The following PACRG variants were observed in gnomAD, a reference collection of about 807,000 sequenced individuals.
PACRG encodes the protein parkin coregulated.
In PACRG, 29 loss-of-function variants were observed where a neutral mutation model predicts 29.7. That is an observed-to-expected ratio of 0.98 (90% CI 0.73 to 1.33). PACRG has a LOEUF of 1.33. PACRG is among the 40% of genes most tolerant of loss of function. PACRG has a pLI of 0.00. For synonymous variants in PACRG, 116 were observed against 118.7 expected, an observed-to-expected ratio of 0.98 and a Z score of 0.15; for missense variants, 279 against 316.2, an observed-to-expected ratio of 0.88 and a Z score of 0.89.
chr6:163,275,515 G>A (rs1400288269), intron 4 of PACRG, among the ~76,000 whole-genome samples: 1 of 152,044 alleles, frequency 6.6e-6, no homozygotes, highest in African/African-American at 2.4e-5. Flanking sequence ...TTTCAAAACT[G>A]TTTGCCTTTA....
intron 4 of PACRG, among the ~76,000 whole-genome samples, chr6:163,208,071 A>T (rs755225686): frequency 6.6e-6 from 1 of 152,232 alleles, no homozygotes; most frequent in South Asian, 2.1e-4. Flanking sequence ...GTTGTCTAAC[A>T]TATTGCCACT....
rs534834160 is a variant in PACRG, at chr6:162,908,809, C to G, written c.291+94528C>G. ...GGCAGTGGCTAGGCCATCAGCCTGA[C>G]TTAACAATATGGGATGGATCTCCAC... On this transcript the variant is annotated intron_variant, in intron 2 of 4. Coordinates refer to ENST00000366888, the MANE Select transcript of PACRG (RefSeq NM_001080379.2). Among the ~76,000 whole-genome samples the G allele has an allele frequency of 6.6e-5, 10 of 152,264 alleles. No homozygotes were observed. The East Asian group carries it at 1.7e-3, about 26-fold the overall frequency.
At chr6:162,986,152 A>G (rs1326359644) in intron 2 of PACRG, among the ~76,000 whole-genome samples, 1 of 152,154 alleles carries the variant, frequency 6.6e-6, no homozygotes, top group African/African-American at 2.4e-5. Flanking sequence ...AGTAATTTAC[A>G]AATTCAATGC....
At position 162,766,095 on chromosome 6, in the gene PACRG, T is replaced by C. The variant is rs567339428; in HGVS notation, c.156+37704T>C. Among the ~76,000 whole-genome samples the C allele has an allele frequency of 2.0e-5, 3 of 152,298 alleles. No individual in the cohort carries two copies. In the South Asian group the frequency reaches 6.2e-4, roughly 32 times the overall value. ...GTGAAAACATTTAAAATTCTCTCTT[T>C]AGCTATTTAAAAATATGTAATACAT... On this transcript the variant is annotated intron_variant, in intron 1 of 4. Transcript: ENST00000366888.
intron 2 of PACRG, among the ~76,000 whole-genome samples, chr6:162,884,654 G>A (rs1005171275): frequency 6.6e-6 from 1 of 152,060 alleles, no homozygotes; most frequent in African/African-American, 2.4e-5. Context: ...TAAATGCTTT[G>A]TACTAAATTT....
intron 3 of PACRG, among the ~76,000 whole-genome samples, chr6:163,080,384 C>T (rs1012613061): frequency 6.6e-6 from 1 of 152,194 alleles, no homozygotes; most frequent in African/African-American, 2.4e-5. Flanking sequence ...CCGCCTCTGA[C>T]AGTGCCACAG....
chr6:163,162,777 C>CAGAGCTGGCA (rs1778612558), intron 4 of PACRG, among the ~76,000 whole-genome samples: 1 of 152,202 alleles, frequency 6.6e-6, no homozygotes, highest in Non-Finnish European at 1.5e-5. Context: ...GTCCAGCCCC[C>CAGAGCTGGCA]AGAGCTGGCA....
intron 4 of PACRG, among the ~76,000 whole-genome samples, chr6:163,312,337 C>T (rs910915771): frequency 2.0e-5 from 3 of 152,208 alleles, no homozygotes; most frequent in East Asian, 1.9e-4. Context: ...TCCCCTGTCA[C>T]GCAGGGTCCT....
intron 4 of PACRG, among the ~76,000 whole-genome samples, chr6:163,161,861 C>A (rs530236913): frequency 6.6e-6 from 1 of 152,088 alleles, no homozygotes; most frequent in Admixed American, 6.5e-5. Flanking sequence ...GGCTGCTTGT[C>A]GAGTATTTAG....
At chr6:163,314,368 A>G (rs1308024010) in intron 4 of PACRG, among the ~76,000 whole-genome samples, 3 of 152,252 alleles carry the variant, frequency 2.0e-5, no homozygotes, top group Non-Finnish European at 4.4e-5. Context: ...AGAGTTTGCC[A>G]TGTGTTCAAA....
At chr6:162,798,327 T>C (rs1785554776) in intron 1 of PACRG, among the ~76,000 whole-genome samples, 1 of 152,150 alleles carries the variant, frequency 6.6e-6, no homozygotes, top group African/African-American at 2.4e-5. Context: ...TTTATACTCA[T>C]TTTTGCAAAC....
At chr6:162,958,791 C>T (rs1345968873) in intron 2 of PACRG, among the ~76,000 whole-genome samples, 3 of 146,516 alleles carry the variant, frequency 2.0e-5, no homozygotes, top group East Asian at 2.0e-4. Flanking sequence ...TACATATACA[C>T]ACACATATAT....
intron 1 of PACRG, among the ~76,000 whole-genome samples, chr6:162,748,248 T>C (rs1206381847): frequency 6.6e-6 from 1 of 152,146 alleles, no homozygotes; most frequent in Non-Finnish European, 1.5e-5. Flanking sequence ...TCCAGCACTT[T>C]GGGAGGCCGA....
intron 3 of PACRG, among the ~76,000 whole-genome samples, chr6:163,085,632 T>G (rs546450681): frequency 6.6e-6 from 1 of 152,180 alleles, no homozygotes; most frequent in African/African-American, 2.4e-5. Context: ...GTGAAAGAAC[T>G]CCTTACTGGG....
chr6:162,936,524 A>G (rs1050106618), intron 2 of PACRG, among the ~76,000 whole-genome samples: 1 of 152,212 alleles, frequency 6.6e-6, no homozygotes, highest in South Asian at 2.1e-4. Context: ...ATATACTCAG[A>G]ATTGGTAGTG....
intron 1 of PACRG, among the ~76,000 whole-genome samples, chr6:162,797,097 C>G (rs367675780): frequency 6.6e-6 from 1 of 151,988 alleles, no homozygotes; most frequent in Non-Finnish European, 1.5e-5. Flanking sequence ...GCCAACATGG[C>G]GACCCCCCGT....
In PACRG at chr6:163,158,428, T is replaced by C. The variant is rs542316740; in HGVS notation, c.613+69020T>C. Among the ~76,000 whole-genome samples, 7 of 152,276 alleles carry C rather than the reference T, an allele frequency of 4.6e-5. No individual in the cohort carries two copies. The East Asian group carries it at 7.7e-4, about 17-fold the overall frequency. On this transcript the variant is annotated intron_variant, in intron 4 of 4. Transcript: ENST00000366888. ...AGGATAGGGAATGAGCTGTTTGAGC[T>C]GATGAACCCTTAAAGATCAAAGCTT...
intron 4 of PACRG, among the ~76,000 whole-genome samples, chr6:163,206,483 A>G (rs1780908063): frequency 6.6e-6 from 1 of 152,144 alleles, no homozygotes; most frequent in East Asian, 1.9e-4. Context: ...GTTCTCACTT[A>G]TAAGTGGGAA....
intron 2 of PACRG, chr6:163,054,163 T>C (rs1315467984): frequency 6.6e-6 from 1 of 152,246 alleles, no homozygotes; most frequent in African/African-American, 2.4e-5. Context: ...ATTCATTATG[T>C]TGGGCAAATC....
Sources: allele counts gnomAD v4.1 joint callset (sites outside exome capture counted in the v4.1 genomes callset), GRCh38; gene constraint gnomAD v4.1.1; transcripts MANE v1.5; gene names NCBI Gene and HGNC (gene_info 2026-07-23, HGNC 2026-07-21).